PLAC8: variants seen among roughly 807,000 people sequenced by gnomAD.
The protein encoded by PLAC8 is placenta-specific gene 8 protein.
Under a neutral mutation model 12.6 loss-of-function variants are expected in PLAC8, and 6 were observed. The observed-to-expected ratio is 0.48, with a 90% CI of 0.26 to 0.94. The LOEUF is 0.94. PLAC8 is among the 40% of genes least tolerant of loss of function. The pLI, the probability that PLAC8 is intolerant of heterozygous loss-of-function variation, is 0.14. For synonymous variants in PLAC8, 54 were observed against 52.6 expected (o/e 1.03, Z -0.11); for missense variants, 122 against 152.7 (o/e 0.80, Z 1.06).
intron 3 of PLAC8, among the ~76,000 whole-genome samples, chr4:83,100,049 T>C (rs1055889169): frequency 6.8e-6 from 1 of 147,610 alleles, no homozygotes; most frequent in African/African-American, 2.5e-5. Context: ...GGCGGGCAGA[T>C]CACAAGGTCA....
At chr4:83,102,425 G>C (rs1023695792) in intron 3 of PLAC8, among the ~76,000 whole-genome samples, 2 of 152,168 alleles carry the variant, frequency 1.3e-5, no homozygotes, top group Non-Finnish European at 2.9e-5. Flanking sequence ...TATAGCCCCA[G>C]GTACTCAGGA....
At chr4:83,102,592 A>G (rs1732130507) in intron 3 of PLAC8, among the ~76,000 whole-genome samples, 1 of 152,172 alleles carries the variant, frequency 6.6e-6, no homozygotes, top group African/African-American at 2.4e-5. Flanking sequence ...CAAAATATCA[A>G]CAGTAAAGGA....
At chr4:83,112,218 G>GTATA (rs1211747154) in intron 1 of PLAC8, among the ~76,000 whole-genome samples, 107 of 9,198 alleles carry the variant, frequency 0.012, no homozygotes, top group African/African-American at 0.019. Context: ...ATATATATAT[G>GTATA]TATATATATA....
At chr4:83,091,434 C>T (rs2126138966) in intron 4 of PLAC8, among the ~76,000 whole-genome samples, 1 of 152,228 alleles carries the variant, frequency 6.6e-6, no homozygotes, top group East Asian at 1.9e-4. Flanking sequence ...CATGGTTAGA[C>T]TGGAGTTAAG....
intron 3 of PLAC8, among the ~76,000 whole-genome samples, chr4:83,101,367 C>T (rs367679083): frequency 3.0e-4 from 46 of 152,120 alleles, no homozygotes; most frequent in African/African-American, 1.0e-3. Context: ...GACGACAGAG[C>T]GAGACTGCAT....
intron 3 of PLAC8, among the ~76,000 whole-genome samples, chr4:83,104,657 C>G (rs1354110729): frequency 6.6e-6 from 1 of 152,146 alleles, no homozygotes; most frequent in African/African-American, 2.4e-5. Context: ...AAGCCTCTTC[C>G]ATGGTATGAC....
rs1219089031 is a variant in PLAC8 at position 83,103,081 on chromosome 4, C to CT, written c.243+1814dup. Among the ~76,000 whole-genome samples the CT allele has an allele frequency of 5.3e-4, 48 of 90,682 alleles. 1 individual carries two copies. Among genetic ancestry groups the CT allele is most frequent in the East Asian group, 4.9e-3 (11 of 2,240 alleles). The allele number at this position is 90,682 out of a possible 152,430, so 59.5% of individuals were successfully genotyped here. A position where few individuals can be genotyped will look rare whatever the true frequency, so the allele number is the denominator to read the frequency against. On this transcript the variant is annotated intron_variant, in intron 3 of 4. Transcript: ENST00000311507. Reference sequence around the variant, plus strand: ...AGCCTGGGTGACAGAGCAAGACTCCCTTTAAAAAAAAAAAAAAGAAAGCTA... The same window carrying CT: ...AGCCTGGGTGACAGAGCAAGACTCCCTTTTAAAAAAAAAAAAAAGAAAGCTA...
chr4:83,097,253 ATG>A lies in PLAC8; in HGVS notation c.244-2464_244-2463del, dbSNP rs749028488. 4.0e-5 allele frequency among the ~76,000 whole-genome samples: 6 copies of A among 150,190 alleles called. No homozygotes were observed. In the South Asian group the frequency reaches 6.3e-4, roughly 16 times the overall value. ...GGGGTGTGTGTGTGTGTGGGTGTGT[ATG>A]TGTGTGTGTGTGTGATGTTTATATA... On this transcript the variant is annotated intron_variant, in intron 3 of 4. Coordinates refer to ENST00000311507, the MANE Select transcript of PLAC8 (RefSeq NM_016619.3).
intron 3 of PLAC8, among the ~76,000 whole-genome samples, chr4:83,097,683 G>C (rs756962834): frequency 2.0e-5 from 3 of 152,074 alleles, no homozygotes; most frequent in Non-Finnish European, 4.4e-5. Context: ...TTACTTATCA[G>C]AGTTTTCACT....
At chr4:83,098,898 A>G (rs1166770261) in intron 3 of PLAC8, among the ~76,000 whole-genome samples, 1 of 152,140 alleles carries the variant, frequency 6.6e-6, no homozygotes, top group African/African-American at 2.4e-5. Flanking sequence ...ATATTTAGAT[A>G]TTAGGTCCTC....
At chr4:83,099,232 AT>A (rs1732022223) in intron 3 of PLAC8, among the ~76,000 whole-genome samples, 1 of 139,258 alleles carries the variant, frequency 7.2e-6, no homozygotes, top group Admixed American at 7.0e-5. Flanking sequence ...ATAATCAGCT[AT>A]AACTTTTTTT....
At chr4:83,091,248 C>G (rs370171141) in intron 4 of PLAC8, among the ~76,000 whole-genome samples, 94 of 152,300 alleles carry the variant, frequency 6.2e-4, no homozygotes, top group South Asian at 5.4e-3. Context: ...ATTTTCTGTT[C>G]CAGCATCTCA....
intron 3 of PLAC8, 64 bp downstream of exon 3, chr4:83,104,832 T>G: frequency 6.6e-7 from 1 of 1,523,850 alleles, no homozygotes; most frequent in Non-Finnish European, 9.1e-7. Flanking sequence ...ATGATCTCCA[T>G]GTTTATAATA....
Position 83,098,735 on chromosome 4 carries a change from GTTT to G in PLAC8, c.244-3947_244-3945del, listed in dbSNP as rs36075658. On this transcript the variant is annotated intron_variant, in intron 3 of 4. Transcript: ENST00000311507. ...CTAAGTCTCCTCTATCAGAATAAAG[GTTT>G]TTTTTTTTTTAATTTTTTTGAGTTA... is the stretch of plus-strand genomic sequence containing the variant. Among the ~76,000 whole-genome samples, 128 of 150,404 alleles carry G rather than the reference GTTT, an allele frequency of 8.5e-4. 1 individual carries two copies. The highest frequency in any genetic ancestry group is 3.4e-3 in the Middle Eastern group (1 of 290).
chr4:83,100,349 G>T lies in PLAC8; in HGVS notation c.243+4547C>A, dbSNP rs533118876. Among the ~76,000 whole-genome samples the T allele has an allele frequency of 2.0e-5, 3 of 151,850 alleles. No individual in the cohort carries two copies. The South Asian group carries it at 6.3e-4, about 32-fold the overall frequency. Reference sequence around the variant, plus strand: ...CCTGCTCCAGTCATGTGAAGTGCTGGCTCCCCCTTTGCTTTCTGCCATAAT... The same window carrying T: ...CCTGCTCCAGTCATGTGAAGTGCTGTCTCCCCCTTTGCTTTCTGCCATAAT... On this transcript the variant is annotated intron_variant, in intron 3 of 4. Transcript: ENST00000311507.
intron 2 of PLAC8, among the ~76,000 whole-genome samples, chr4:83,107,059 G>C (rs978641544): frequency 5.9e-4 from 90 of 152,240 alleles, no homozygotes; most frequent in African/African-American, 2.1e-3. Context: ...AATTAGCCAG[G>C]TGTGGTGACG....
chr4:83,102,801 T>C (rs982370859), intron 3 of PLAC8, among the ~76,000 whole-genome samples: 8 of 152,156 alleles, frequency 5.3e-5, no homozygotes, highest in Non-Finnish European at 4.4e-5. Flanking sequence ...GAAAGCTGTT[T>C]CTTGGCCGGG....
intron 3 of PLAC8, among the ~76,000 whole-genome samples, chr4:83,096,634 C>T (rs1343681895): frequency 6.6e-6 from 1 of 152,102 alleles, no homozygotes; most frequent in African/African-American, 2.4e-5. Context: ...GCCTATGACT[C>T]ATATAAATAT....
At chr4:83,094,523 G>A in intron 4 of PLAC8, 155 bp downstream of exon 4, 1 of 559,694 alleles carries the variant, frequency 1.8e-6, no homozygotes, top group East Asian at 3.4e-5. Context: ...TTCATAAGAA[G>A]AAAATTAAAG....
Sources: gnomAD v4.1 joint callset for allele counts (sites outside exome capture counted in the v4.1 genomes callset) on GRCh38, gnomAD v4.1.1 for gene constraint, MANE v1.5 for transcripts, NCBI Gene and HGNC (gene_info 2026-07-23, HGNC 2026-07-21) for gene names.